The following PIP4K2A variants were observed in gnomAD, a reference collection of about 807,000 sequenced individuals.
The protein encoded by PIP4K2A is phosphatidylinositol-5-phosphate 4-kinase type 2 alpha, also known as phosphatidylinositol 5-phosphate 4-kinase type-2 alpha.
A neutral mutation model predicts 42.9 loss-of-function variants in PIP4K2A; 14 were observed. The ratio of observed to expected loss-of-function variants is 0.33; its 90% CI spans 0.22 to 0.51. The LOEUF is 0.51. Ranked by LOEUF, PIP4K2A falls within the 20% of genes least tolerant of loss-of-function variation. The pLI, the probability that PIP4K2A is intolerant of heterozygous loss-of-function variation, is 0.97. For synonymous variants in PIP4K2A, 192 were observed against 192.2 expected (o/e 1.00, Z 0.01); for missense variants, 434 against 519.8 (o/e 0.83, Z 1.61).
At chr10:22,591,566 G>C (rs957206024) in intron 4 of PIP4K2A, 63 bp downstream of exon 4, 1 of 1,250,328 alleles carries the variant, frequency 8.0e-7, no homozygotes, top group Non-Finnish European at 1.1e-6. Context: ...CTCTGGCCTT[G>C]GTGAGAAATC....
chr10:22,714,011 G>A, intron 1 of PIP4K2A, 172 bp downstream of exon 1: 1 of 626,196 alleles, frequency 1.6e-6, no homozygotes, highest in Admixed American at 3.2e-5. Context: ...GGGCGGCCCA[G>A]AGGGCTGGGG....
At chr10:22,576,555 G>A (rs1335752657) in intron 4 of PIP4K2A, among the ~76,000 whole-genome samples, 1 of 152,090 alleles carries the variant, frequency 6.6e-6, no homozygotes, top group East Asian at 1.9e-4. Context: ...AGCCCTCCCG[G>A]TCCAGCTCCG....
At chr10:22,540,109 G>A (rs778058642) in intron 8 of PIP4K2A, 35 bp from the exon 9 acceptor site, 1 of 996,308 alleles carries the variant, frequency 1.0e-6, no homozygotes, top group Non-Finnish European at 1.6e-6. Flanking sequence ...TGTGGGACAT[G>A]TGACAACACC....
At chr10:22,619,997 C>T (rs761847124) in intron 1 of PIP4K2A, among the ~76,000 whole-genome samples, 12 of 152,196 alleles carry the variant, frequency 7.9e-5, no homozygotes, top group Non-Finnish European at 1.5e-4. Context: ...TTCACTTCAG[C>T]AGATTTTTCA....
At position 22,601,130 on chromosome 10, in the gene PIP4K2A, C is replaced by CAAAAAAAAAAAAAAAAAAAAA. The variant is rs1188396077; in HGVS notation, c.339+6776_339+6796dup. 4.4e-4 allele frequency among the ~76,000 whole-genome samples: 14 copies of CAAAAAAAAAAAAAAAAAAAAA among 31,926 alleles called. 2 individuals are homozygous for CAAAAAAAAAAAAAAAAAAAAA. Among genetic ancestry groups the CAAAAAAAAAAAAAAAAAAAAA allele is most frequent in the Non-Finnish European group, 1.1e-3 (12 of 11,420 alleles). The allele number at this position is 31,926 out of a possible 152,430, so 20.9% of individuals were successfully genotyped here. ...CCTGGGCAACAGAGCGAGACTGTCT[C>CAAAAAAAAAAAAAAAAAAAAA]AAAAAAAAAAAAAAAAAAAAAAAAA... is the stretch of plus-strand genomic sequence containing the variant. On this transcript the variant is annotated intron_variant, in intron 3 of 9. Transcript: ENST00000376573.
At chr10:22,700,112 G>A (rs982943513) in intron 1 of PIP4K2A, among the ~76,000 whole-genome samples, 4 of 152,136 alleles carry the variant, frequency 2.6e-5, no homozygotes, top group Admixed American at 6.5e-5. Flanking sequence ...GGAAGAAAAC[G>A]GATACAAGAG....
intron 1 of PIP4K2A, among the ~76,000 whole-genome samples, chr10:22,626,457 T>C (rs1310593129): frequency 6.6e-6 from 1 of 152,354 alleles, no homozygotes; most frequent in East Asian, 1.9e-4. Context: ...AAAGCTATTG[T>C]ATTCAGAACA....
intron 4 of PIP4K2A, among the ~76,000 whole-genome samples, chr10:22,577,484 T>A (rs1288838060): frequency 6.6e-6 from 1 of 152,104 alleles, no homozygotes; most frequent in Non-Finnish European, 1.5e-5. Flanking sequence ...CCATGCCAGC[T>A]CCCTACTGCC....
chr10:22,697,198 C>T (rs1214678475), intron 1 of PIP4K2A, among the ~76,000 whole-genome samples: 1 of 151,620 alleles, frequency 6.6e-6, no homozygotes, highest in Non-Finnish European at 1.5e-5. Context: ...ATTGCTTTTC[C>T]TTTCTGAGTG....
chr10:22,682,533 CT>C (rs1257360206), intron 1 of PIP4K2A, among the ~76,000 whole-genome samples: 1 of 151,560 alleles, frequency 6.6e-6, no homozygotes, highest in Non-Finnish European at 1.5e-5. Flanking sequence ...GTCCATGAAC[CT>C]AAAAAAAAAG....
intron 1 of PIP4K2A, among the ~76,000 whole-genome samples, chr10:22,648,536 G>T (rs551915209): frequency 6.6e-6 from 1 of 152,224 alleles, no homozygotes; most frequent in African/African-American, 2.4e-5. Context: ...ATTTTCCTCA[G>T]ACTGGAAAAC....
At chr10:22,539,206 C>T (rs1836019534) in intron 9 of PIP4K2A, among the ~76,000 whole-genome samples, 2 of 152,096 alleles carry the variant, frequency 1.3e-5, no homozygotes, top group South Asian at 4.1e-4. Context: ...GGGCTGGGTC[C>T]GGGGGAGGAA....
At chr10:22,625,933 A>G (rs998488596) in intron 1 of PIP4K2A, among the ~76,000 whole-genome samples, 3 of 152,226 alleles carry the variant, frequency 2.0e-5, no homozygotes, top group Non-Finnish European at 4.4e-5. Flanking sequence ...GGTCACAAGA[A>G]GAAAAGGTAG....
intron 6 of PIP4K2A, among the ~76,000 whole-genome samples, chr10:22,555,833 C>A (rs1197106353): frequency 6.6e-6 from 1 of 150,488 alleles, no homozygotes; most frequent in African/African-American, 2.5e-5. Context: ...CTGGGCCACA[C>A]TGGAAGAAGA....
chr10:22,672,262 C>G (rs1313448600), intron 1 of PIP4K2A, among the ~76,000 whole-genome samples: 1 of 147,194 alleles, frequency 6.8e-6, no homozygotes, highest in African/African-American at 2.5e-5. Flanking sequence ...GCTGCCCTGA[C>G]AGCTCTGGGT....
At chr10:22,561,016 A>T (rs1282382315) in intron 6 of PIP4K2A, among the ~76,000 whole-genome samples, 2 of 152,232 alleles carry the variant, frequency 1.3e-5, no homozygotes, top group Non-Finnish European at 2.9e-5. Flanking sequence ...ATAATTACTA[A>T]TTTGATGTCA....
chr10:22,710,538 C>T (rs1833894947), intron 1 of PIP4K2A, among the ~76,000 whole-genome samples: 1 of 152,142 alleles, frequency 6.6e-6, no homozygotes, highest in South Asian at 2.1e-4. Context: ...CCGTTCATTC[C>T]CTGCTCTGTG....
intron 1 of PIP4K2A, among the ~76,000 whole-genome samples, chr10:22,651,679 T>C (rs117506895): frequency 6.6e-6 from 1 of 152,236 alleles, no homozygotes; most frequent in African/African-American, 2.4e-5. Flanking sequence ...GGTATTTGTA[T>C]GATGTATCTG....
At chr10:22,699,339 T>TA (rs1380679525) in intron 1 of PIP4K2A, among the ~76,000 whole-genome samples, 2 of 152,098 alleles carry the variant, frequency 1.3e-5, no homozygotes, top group African/African-American at 4.8e-5. Context: ...CCTAATGTAG[T>TA]AAAAGCCTGT....
Sources: gnomAD v4.1 joint callset for allele counts (sites outside exome capture counted in the v4.1 genomes callset) on GRCh38, gnomAD v4.1.1 for gene constraint, MANE v1.5 for transcripts, NCBI Gene and HGNC (gene_info 2026-07-23, HGNC 2026-07-21) for gene names.